Variants in VPS13A observed in about 807,000 individuals in gnomAD.
VPS13A encodes the protein intermembrane lipid transfer protein VPS13A.
In VPS13A, 264 loss-of-function variants were observed where a neutral mutation model predicts 390.9. The observed-to-expected ratio is 0.68, with a 90% CI of 0.61 to 0.75. The LOEUF is 0.75. Among genes scored for constraint, VPS13A ranks in the 30% least tolerant of loss-of-function variants. VPS13A has a pLI of 0.00. For missense variants in VPS13A, 3,409 were observed against 3,733.9 expected, an observed-to-expected ratio of 0.91 and a Z score of 2.27; for synonymous variants, 1,231 against 1,227.1, an observed-to-expected ratio of 1.00 and a Z score of -0.07.
chr9:77,281,833 C>T (rs745597186), intron 27 of VPS13A, 34 bp from the exon 28 acceptor site: 26 of 1,436,736 alleles, frequency 1.8e-5, no homozygotes, highest in East Asian at 2.3e-5. Context: ...GTCTTCCTAA[C>T]GTGTTCTAAC....
chr9:77,189,132 C>CTTTTT (rs542812911), intron 1 of VPS13A, among the ~76,000 whole-genome samples: 6 of 112,194 alleles, frequency 5.3e-5, no homozygotes, highest in East Asian at 2.6e-4. Context: ...TCCCACTTGC[C>CTTTTT]TTTTTTTTTT....
intron 21 of VPS13A, among the ~76,000 whole-genome samples, chr9:77,250,887 G>T (rs114113484): frequency 6.6e-6 from 1 of 152,144 alleles, no homozygotes; most frequent in African/African-American, 2.4e-5. Context: ...CTTTCTTTTC[G>T]TTCTGTCATA....
At chr9:77,372,759 C>T (rs994498183) in intron 67 of VPS13A, among the ~76,000 whole-genome samples, 1 of 152,200 alleles carries the variant, frequency 6.6e-6, no homozygotes, top group Non-Finnish European at 1.5e-5. Context: ...CCAAAATCTC[C>T]TTAAGCTAAG....
chr9:77,298,149 T>C (rs1240065566), intron 33 of VPS13A, among the ~76,000 whole-genome samples: 1 of 152,220 alleles, frequency 6.6e-6, no homozygotes, highest in Admixed American at 6.5e-5. Flanking sequence ...ATTTCTCTAA[T>C]GGGCAAAGTA....
At chr9:77,211,388 C>T (rs1825966820) in intron 7 of VPS13A, 2 of 152,064 alleles carry the variant, frequency 1.3e-5, no homozygotes, top group Non-Finnish European at 2.9e-5. Context: ...TTCCTTTTTG[C>T]ACTTTCCAGT....
At position 77,409,082 on chromosome 9, in the gene VPS13A, C is replaced by T. The variant is rs562304578; in HGVS notation, c.9474+1475C>T. Among the ~76,000 whole-genome samples the T allele has an allele frequency of 5.3e-5, 8 of 152,334 alleles. No homozygotes were observed. The East Asian group carries it at 1.5e-3, about 29-fold the overall frequency. ...GACTGACACCTCACACGGCCAGGTA[C>T]TCCTCTGAAACAAAACTTCCAGAGG... On this transcript the variant is annotated intron_variant, in intron 71 of 71. Coordinates refer to ENST00000360280, the MANE Select transcript of VPS13A (RefSeq NM_033305.3).
rs936598360 is a variant in VPS13A, at chr9:77,420,136, A to G, written c.*4130A>G. The G allele has an allele frequency of 6.6e-6, 1 of 152,198 alleles. No homozygotes were observed. The highest frequency in any genetic ancestry group is 1.5e-5 in the Non-Finnish European group (1 of 68,032). 9.4% of individuals were successfully genotyped at this position (152,198 alleles called of 1,614,324 possible). ...AAGTATACTTTTGAAATTATACCTT[A>G]TTGTTAATGGCAACCTAATCAAGCT... On this transcript the variant is annotated 3_prime_UTR_variant, in exon 72 of 72. Coordinates refer to ENST00000360280, the MANE Select transcript of VPS13A (RefSeq NM_033305.3).
chr9:77,400,223 A>ATTTTTTTTTTT lies in VPS13A; in HGVS notation c.9190-3001_9190-2991dup, dbSNP rs34605855. Among the ~76,000 whole-genome samples the ATTTTTTTTTTT allele has an allele frequency of 2.8e-3, 244 of 88,068 alleles. 4 individuals are homozygous for ATTTTTTTTTTT. The highest frequency in any genetic ancestry group is 3.9e-3 in the South Asian group (10 of 2,538). The allele number at this position is 88,068 out of a possible 152,430, so 57.8% of individuals were successfully genotyped here. On this transcript the variant is annotated intron_variant, in intron 68 of 71. Transcript: ENST00000360280. ...ATATTTTCTCATGTTTATCAGTCAG[A>ATTTTTTTTTTT]TTTTTTTTTTTTTTTTTTTTTTGCT...
chr9:77,263,555 G>A (rs1270667998), intron 23 of VPS13A, among the ~76,000 whole-genome samples: 1 of 152,120 alleles, frequency 6.6e-6, no homozygotes, highest in Non-Finnish European at 1.5e-5. Flanking sequence ...TTTGAGAAGT[G>A]TCTGTTCATA....
At chr9:77,208,250 A>G (rs1825788705) in intron 5 of VPS13A, among the ~76,000 whole-genome samples, 1 of 152,158 alleles carries the variant, frequency 6.6e-6, no homozygotes, top group Admixed American at 6.5e-5. Flanking sequence ...ATTTATATGT[A>G]TATATATTCA....
At chr9:77,197,627 T>TA in intron 1 of VPS13A, among the ~76,000 whole-genome samples, 1 of 147,788 alleles carries the variant, frequency 6.8e-6, no homozygotes. Context: ...GGATTTTGGA[T>TA]TTTTTTTTTC....
At chr9:77,357,046 G>T (rs1039731476) in intron 55 of VPS13A, among the ~76,000 whole-genome samples, 179 bp downstream of exon 55, 4 of 151,840 alleles carry the variant, frequency 2.6e-5, no homozygotes, top group African/African-American at 9.7e-5. Context: ...CAGGCTGGGC[G>T]CAGTGGTTCA....
chr9:77,333,978 G>A (rs1355526463), intron 46 of VPS13A, among the ~76,000 whole-genome samples: 1 of 152,158 alleles, frequency 6.6e-6, no homozygotes, highest in Non-Finnish European at 1.5e-5. Context: ...GAAACAGTGG[G>A]TTATAGAGAG....
Position 77,206,072 on chromosome 9 carries a change from T to C in VPS13A, c.378T>C (p.Val126=). Residue 126 remains valine, a synonymous_variant, in exon 5 of 72, where the codon GTT becomes GTC. Coordinates refer to ENST00000360280, the MANE Select transcript of VPS13A (RefSeq NM_033305.3). ...KRIEEAKQKV[V]DQEQHLPEKQ... is the part of the protein sequence containing the mutation. ...TAGAAGAAGCAAAACAAAAAGTAGT[T>C]GATCAAGGTAAAGAAAACAGTAAAT... The C allele has an allele frequency of 6.4e-7, 1 of 1,569,344 alleles. No individual in the cohort carries two copies. The highest frequency in any genetic ancestry group is 8.7e-7 in the Non-Finnish European group (1 of 1,154,106).
chr9:77,266,617 G>T (rs986680144), intron 23 of VPS13A, among the ~76,000 whole-genome samples: 4 of 151,994 alleles, frequency 2.6e-5, no homozygotes, highest in African/African-American at 9.7e-5. Context: ...TTCAACCTTG[G>T]TGAATCTGAC....
At chr9:77,411,125 T>C (rs1044824078) in intron 71 of VPS13A, among the ~76,000 whole-genome samples, 1 of 152,092 alleles carries the variant, frequency 6.6e-6, no homozygotes, top group African/African-American at 2.4e-5. Flanking sequence ...GAACTCAGGA[T>C]TAAGAAACTC....
intron 67 of VPS13A, among the ~76,000 whole-genome samples, chr9:77,377,882 G>T (rs1833195301): frequency 6.6e-6 from 1 of 152,108 alleles, no homozygotes; most frequent in African/African-American, 2.4e-5. Context: ...ATGAAAACAT[G>T]TTAGATTTTA....
At chr9:77,228,701 A>G (rs1428204905) in intron 17 of VPS13A, among the ~76,000 whole-genome samples, 1 of 152,184 alleles carries the variant, frequency 6.6e-6, no homozygotes, top group Non-Finnish European at 1.5e-5. Flanking sequence ...GCACTGTATT[A>G]GTCCATTTTC....
rs75291093 is a variant in VPS13A, at chr9:77,375,104, A to G, written c.9077+3955A>G. Among the ~76,000 whole-genome samples, 724 of 152,302 alleles carry G rather than the reference A, an allele frequency of 4.8e-3. 9 individuals carry two copies. The highest frequency in any genetic ancestry group is 0.015 in the African/African-American group (638 of 41,578). On this transcript the variant is annotated intron_variant, in intron 67 of 71. Transcript: ENST00000360280. ...AGTCATCAGAGAAGCTCAAAAGTCA[A>G]TGAAACGTAAGGAATTTGAAACATA...
Sources: gnomAD v4.1 joint callset for allele counts (sites outside exome capture counted in the v4.1 genomes callset) on GRCh38, gnomAD v4.1.1 for gene constraint, MANE v1.5 for transcripts, NCBI Gene and HGNC (gene_info 2026-07-23, HGNC 2026-07-21) for gene names.